RPA3: variants seen among roughly 807,000 people sequenced by gnomAD.
RPA3 encodes replication protein A 14 kDa subunit.
A neutral mutation model predicts 13.7 loss-of-function variants in RPA3; 24 were observed. That is an observed-to-expected ratio of 1.75 (90% CI 1.27 to 2.46). The LOEUF (loss-of-function observed/expected upper bound fraction) is 2.46, where lower values mean the gene tolerates loss of function less well. Among genes scored for constraint, RPA3 ranks in the 30% most tolerant of loss-of-function variants. The pLI is 0.00. For missense variants in RPA3, 183 were observed against 151.0 expected (o/e 1.21, Z -1.11); for synonymous variants, 59 against 51.2 (o/e 1.15, Z -0.65).
intron 4 of RPA3, among the ~76,000 whole-genome samples, chr7:7,650,653 CA>C (rs1785203864): frequency 6.6e-6 from 1 of 152,158 alleles, no homozygotes; most frequent in Non-Finnish European, 1.5e-5. Context: ...ATAAGTAAAA[CA>C]AAGTTTAAGC....
intron 2 of RPA3, among the ~76,000 whole-genome samples, chr7:7,688,141 T>TG (rs1385904676): frequency 6.6e-6 from 1 of 152,206 alleles, no homozygotes; most frequent in African/African-American, 2.4e-5. Flanking sequence ...TTTGTATTTT[T>TG]GGGGGGAGAA....
chr7:7,669,669 T>C (rs1294571619), intron 4 of RPA3, among the ~76,000 whole-genome samples: 1 of 152,206 alleles, frequency 6.6e-6, no homozygotes, highest in Non-Finnish European at 1.5e-5. Context: ...CTAGGAAGCA[T>C]GTTCCCACAG....
intron 4 of RPA3, among the ~76,000 whole-genome samples, chr7:7,680,157 G>C (rs575292255): frequency 1.1e-4 from 16 of 152,174 alleles, no homozygotes; most frequent in African/African-American, 3.4e-4. Flanking sequence ...CTTTCTTCTA[G>C]TAGTTTCGTA....
intron 2 of RPA3, among the ~76,000 whole-genome samples, chr7:7,694,876 G>T (rs1310917266): frequency 6.6e-6 from 1 of 152,112 alleles, no homozygotes; most frequent in African/African-American, 2.4e-5. Context: ...TTGTTATCCT[G>T]ATTTCCTTCC....
At chr7:7,639,001 G>A (rs975966196) in intron 6 of RPA3, 69 bp downstream of exon 6, 3 of 1,238,308 alleles carry the variant, frequency 2.4e-6, no homozygotes, top group South Asian at 1.8e-5. Flanking sequence ...TAGAAACATC[G>A]GCAACAAACC....
chr7:7,707,689 T>G (rs576892329), intron 2 of RPA3, among the ~76,000 whole-genome samples: 3 of 152,340 alleles, frequency 2.0e-5, no homozygotes, highest in Admixed American at 2.0e-4. Flanking sequence ...CTGGCTTAAT[T>G]TTGCCTTAAA....
intron 4 of RPA3, among the ~76,000 whole-genome samples, chr7:7,657,002 A>G (rs905569970): frequency 3.3e-5 from 5 of 152,130 alleles, no homozygotes; most frequent in African/African-American, 9.7e-5. Flanking sequence ...TTTAATGATC[A>G]CCATTCTAAC....
Position 7,677,924 on chromosome 7 carries a change from C to G in RPA3, c.-758+7906G>C, listed in dbSNP as rs976140668. Among the ~76,000 whole-genome samples, 7 of 151,892 alleles carry G rather than the reference C, an allele frequency of 4.6e-5. No homozygotes were observed. In the East Asian group the frequency reaches 1.2e-3, roughly 25 times the overall value. On this transcript the variant is annotated intron_variant, in intron 4 of 7. Transcript: ENST00000223129. ...TCCTGACCTCGTGATCCGCCCGCCT[C>G]GGCCTCCCAAAGTGCTGGGATTACA... is the stretch of plus-strand genomic sequence containing the variant.
At position 7,639,151 on chromosome 7, in the gene RPA3, A is replaced by G. The variant is rs1381104779; in HGVS notation, c.100-7T>C. 1.9e-6 allele frequency: 3 copies of G among 1,604,514 alleles called. No individual in the cohort carries two copies. The South Asian group carries it at 3.4e-5, about 18-fold the overall frequency. On this transcript the variant is annotated splice_polypyrimidine_tract_variant and splice_region_variant and intron_variant, in intron 5 of 7. Coordinates refer to ENST00000223129, the MANE Select transcript of RPA3 (RefSeq NM_002947.5). The stretch of plus-strand genomic sequence containing the variant: ...TTTTTCCGGTGGGATGAATCTAAAA[A>G]CGAAACATATAATTAAAATCTCACT...
intron 2 of RPA3, among the ~76,000 whole-genome samples, chr7:7,704,241 T>C (rs1467834300): frequency 3.9e-5 from 6 of 152,208 alleles, no homozygotes; most frequent in Non-Finnish European, 8.8e-5. Context: ...TACCTTTCTT[T>C]TTGTTTTGGA....
chr7:7,671,574 G>C (rs920822803), intron 4 of RPA3, among the ~76,000 whole-genome samples: 1 of 152,162 alleles, frequency 6.6e-6, no homozygotes, highest in African/African-American at 2.4e-5. Flanking sequence ...AATTGTGTAA[G>C]TCGTTTAATT....
intron 4 of RPA3, among the ~76,000 whole-genome samples, chr7:7,647,511 G>C (rs1414615702): frequency 6.6e-6 from 1 of 152,088 alleles, no homozygotes; most frequent in African/African-American, 2.4e-5. Flanking sequence ...TTTTCTTTTT[G>C]TCTGCTTAAT....
chr7:7,700,665 A>G (rs1474831139), intron 2 of RPA3, among the ~76,000 whole-genome samples: 1 of 152,242 alleles, frequency 6.6e-6, no homozygotes, highest in Non-Finnish European at 1.5e-5. Context: ...AGGTGAGCAG[A>G]TCACCCAAGG....
At position 7,703,927 on chromosome 7, in the gene RPA3, T is replaced by C. The variant is rs1780529363; in HGVS notation, c.-1028+11248A>G. Among the ~76,000 whole-genome samples, 4 of 151,060 alleles carry C rather than the reference T, an allele frequency of 2.6e-5. No homozygotes were observed. In the South Asian group the frequency reaches 8.4e-4, roughly 32 times the overall value. ...ACTGCAGTGAAGCCTGGGCGACAGA[T>C]AACCTGTCTCTTAACAAAGGAAAGA... On this transcript the variant is annotated intron_variant, in intron 2 of 7. Coordinates refer to ENST00000223129, the MANE Select transcript of RPA3 (RefSeq NM_002947.5).
chr7:7,668,753 A>G (rs1779532535), intron 4 of RPA3, among the ~76,000 whole-genome samples: 1 of 152,238 alleles, frequency 6.6e-6, no homozygotes, highest in African/African-American at 2.4e-5. Context: ...TGATACATAC[A>G]TTTAAGAAAT....
intron 1 of RPA3, among the ~76,000 whole-genome samples, chr7:7,715,644 A>T (rs1780882319): frequency 6.6e-6 from 1 of 152,220 alleles, no homozygotes; most frequent in South Asian, 2.1e-4. Flanking sequence ...TTTAAAAATG[A>T]AAATAAAGAT....
intron 4 of RPA3, among the ~76,000 whole-genome samples, chr7:7,677,734 C>G (rs1335108688): frequency 7.9e-6 from 1 of 127,320 alleles, no homozygotes; most frequent in African/African-American, 3.1e-5. Context: ...AGTGCAGTGG[C>G]GGGATCTCGG....
At chr7:7,717,051 TC>T (rs1464475067) in intron 1 of RPA3, among the ~76,000 whole-genome samples, 7 of 149,344 alleles carry the variant, frequency 4.7e-5, no homozygotes, top group African/African-American at 1.8e-4. Flanking sequence ...TTTCTTTCTT[TC>T]TTTTTTTCTT....
chr7:7,693,364 T>C (rs532258726), intron 2 of RPA3, among the ~76,000 whole-genome samples: 34 of 151,054 alleles, frequency 2.3e-4, no homozygotes, highest in African/African-American at 8.3e-4. Context: ...TTAAGGCCAA[T>C]GTATAATATA....
Sources: allele counts gnomAD v4.1 joint callset (sites outside exome capture counted in the v4.1 genomes callset), GRCh38; gene constraint gnomAD v4.1.1; transcripts MANE v1.5; gene names NCBI Gene and HGNC (gene_info 2026-07-23, HGNC 2026-07-21).